FHIP1B: variants seen among roughly 807,000 people sequenced by gnomAD.
FHIP1B encodes the protein FHF complex subunit HOOK interacting protein 1B.
A neutral mutation model predicts 82.2 loss-of-function variants in FHIP1B; 28 were observed. That is an observed-to-expected ratio of 0.34 (90% CI 0.25 to 0.47). The LOEUF is 0.47. Among genes scored for constraint, FHIP1B ranks in the 20% least tolerant of loss-of-function variants. FHIP1B has a pLI of 1.00. For missense variants in FHIP1B, 1,110 were observed against 1,262.6 expected (o/e 0.88, Z 1.83); for synonymous variants, 585 against 516.1 (o/e 1.13, Z -1.81).
Position 6,218,129 on chromosome 11 carries a change from T to C in FHIP1B, c.1457A>G (p.Asp486Gly). 4 of 1,610,876 alleles carry C rather than the reference T, an allele frequency of 2.5e-6. No individual in the cohort carries two copies. The highest frequency in any genetic ancestry group is 3.4e-6 in the Non-Finnish European group (4 of 1,178,712). Residue 486 changes from aspartate to glycine, a missense_variant, in exon 9 of 12, where the codon GAC becomes GGC. Coordinates refer to ENST00000449352, the MANE Select transcript of FHIP1B (RefSeq NM_001098794.2). Reference protein sequence around the residue: ...WARGPGSPSVDSSSVTTVPRP... With the variant: ...WARGPGSPSVGSSSVTTVPRP... ...GGGTACTGTCGTCACAGAAGAGGAG[T>C]CCACACTTGGGCTTCCAGGACCTGC...
At chr11:6,219,859 C>T (rs1847357085) in intron 6 of FHIP1B, among the ~76,000 whole-genome samples, 1 of 152,192 alleles carries the variant, frequency 6.6e-6, no homozygotes, top group Admixed American at 6.5e-5. Context: ...TTTAGGCATT[C>T]ATTATTTGCT....
rs1159957745 is a variant in FHIP1B, at chr11:6,211,858, C to T, written c.2567G>A (p.Arg856Gln). The T allele has an allele frequency of 7.7e-6, 12 of 1,565,204 alleles. No homozygotes were observed. Among genetic ancestry groups the T allele is most frequent in the Middle Eastern group, 3.4e-4 (2 of 5,804 alleles). ...GAGTAACTCCCCCAAGGATGGCCTC[C>T]GGCTCTTCACTGGGAATAAACAGGG... is the stretch of plus-strand genomic sequence containing the variant. ...PRRSDPLVKS[R>Q]RPSLGELLLR... Residue 856 changes from arginine (R) to glutamine (Q), a missense_variant, in exon 12 of 12, where the codon CGG becomes CAG. By Grantham distance (43) the Arg-to-Gln change is conservative. Coordinates refer to ENST00000449352, the MANE Select transcript of FHIP1B (RefSeq NM_001098794.2).
Position 6,217,427 on chromosome 11 carries a change from G to A in FHIP1B, c.2159C>T (p.Pro720Leu). Residue 720 changes from proline (P) to leucine (L), a missense_variant, in exon 9 of 12, where the codon CCC becomes CTC. By Grantham distance (98) the Pro-to-Leu change is moderately conservative (BLOSUM62 -3). Transcript: ENST00000449352. The stretch of plus-strand genomic sequence containing the variant: ...AGTCCGCAAAGGGCTGCTGAGGAAG[G>A]GGCCAGGGGGCTCAGGGGGACAGGT... ...SFTCPPEPPG[P>L]FLSSPLRTLN... is the part of the protein sequence containing the mutation. 1.9e-6 allele frequency: 3 copies of A among 1,614,056 alleles called. No individual in the cohort carries two copies. Among genetic ancestry groups the A allele is most frequent in the Non-Finnish European group, 2.5e-6 (3 of 1,179,976 alleles).
rs1238278314 is a variant in FHIP1B at position 6,223,828 on chromosome 11, C to T, written c.559G>A (p.Val187Met). ...VLLLSQLCVC[V>M]AQEPSLLEFF... is the part of the protein sequence containing the mutation. ...TCGAGCAATGAAGGCTCCTGGGCCA[C>T]ACAAACACACAGCTGGCTGAGAAGT... The change falls in exon 3 of 12, where the codon GTG becomes ATG. Residue 187 changes from valine (V) to methionine (M), a missense_variant. Around this residue, in one of 6 missense-constraint regions of FHIP1B, gnomAD observed 467 missense variants for 602.9 expected, o/e 0.77. Coordinates refer to ENST00000449352, the MANE Select transcript of FHIP1B (RefSeq NM_001098794.2). This position sits in a 1 kb window ranked among gnomAD's most constrained non-coding sequence, Gnocchi z 4.8. The T allele has an allele frequency of 3.1e-5, 50 of 1,614,108 alleles. No homozygotes were observed. Among genetic ancestry groups the T allele is most frequent in the Non-Finnish European group, 7.6e-6 (9 of 1,180,048 alleles).
chr11:6,212,739 T>C (rs1255879497), intron 11 of FHIP1B, among the ~76,000 whole-genome samples: 1 of 152,220 alleles, frequency 6.6e-6, no homozygotes, highest in African/African-American at 2.4e-5. Flanking sequence ...GCTATTAAAT[T>C]TGGCATTCAG....
intron 11 of FHIP1B, among the ~76,000 whole-genome samples, chr11:6,213,229 T>A (rs1347928394): frequency 6.6e-6 from 1 of 152,234 alleles, no homozygotes; most frequent in African/African-American, 2.4e-5. Flanking sequence ...GGTACTCTCT[T>A]CCCAACCCAT....
chr11:6,213,299 G>A (rs922704747), intron 11 of FHIP1B, among the ~76,000 whole-genome samples: 6 of 152,150 alleles, frequency 3.9e-5, no homozygotes, highest in Non-Finnish European at 1.5e-5. Flanking sequence ...CTTCTACTTC[G>A]ATTAGTAAAT....
chr11:6,220,905 A>G (rs1847388089), intron 6 of FHIP1B, among the ~76,000 whole-genome samples: 1 of 152,218 alleles, frequency 6.6e-6, no homozygotes, highest in Non-Finnish European at 1.5e-5. Flanking sequence ...GGGAAAAAAA[A>G]TACTTTTGGT....
At chr11:6,215,096 C>G in intron 9 of FHIP1B, 185 bp from the exon 10 acceptor site, 1 of 499,524 alleles carries the variant, frequency 2.0e-6, no homozygotes, top group South Asian at 4.0e-5. Context: ...ACCATATGGA[C>G]CCACAAGATT....
intron 1 of FHIP1B, among the ~76,000 whole-genome samples, chr11:6,225,611 C>T (rs1276545604): frequency 2.0e-5 from 3 of 152,110 alleles, no homozygotes; most frequent in South Asian, 2.1e-4. Flanking sequence ...ATTCGTTGAA[C>T]GTATTAATGC....
Position 6,224,429 on chromosome 11 carries a change from T to C in FHIP1B, c.88A>G (p.Met30Val). ...PQGANLQTPV[M>V]ADPETCLMVF... ...ATGAGGCAGGTCTCGGGATCAGCCA[T>C]GACTGGGGTTTGGAGATTGGCCCCT... The change falls in exon 2 of 12, where the codon ATG becomes GTG. Residue 30 changes from methionine to valine, a missense_variant. Transcript: ENST00000449352. The C allele has an allele frequency of 6.2e-7, 1 of 1,614,130 alleles. No homozygotes were observed. The highest frequency in any genetic ancestry group is 8.5e-7 in the Non-Finnish European group (1 of 1,180,018).
chr11:6,222,995 A>G (rs898281469), intron 4 of FHIP1B, 85 bp downstream of exon 4: 1 of 1,579,304 alleles, frequency 6.3e-7, no homozygotes, highest in Non-Finnish European at 8.7e-7. Flanking sequence ...TACTTCCAAG[A>G]TGGAAAAATG....
intron 8 of FHIP1B, 72 bp downstream of exon 8, chr11:6,218,528 T>C: frequency 6.3e-7 from 1 of 1,599,704 alleles, no homozygotes; most frequent in Non-Finnish European, 8.5e-7. Context: ...AGCCCCTCCT[T>C]GCTACGCTCC....
chr11:6,222,329 A>T, intron 6 of FHIP1B, 113 bp downstream of exon 6: 1 of 1,179,592 alleles, frequency 8.5e-7, no homozygotes, highest in Non-Finnish European at 1.2e-6. Flanking sequence ...CTTAATTTTG[A>T]GGTGACTGCT....
chr11:6,228,446 T>C lies in FHIP1B; in HGVS notation c.-191-3739A>G, dbSNP rs1298399665. Among the ~76,000 whole-genome samples, 3 of 151,968 alleles carry C rather than the reference T, an allele frequency of 2.0e-5. No homozygotes were observed. In the East Asian group the frequency reaches 5.8e-4, roughly 29 times the overall value. ...GCTGTAGGATGGGGAGGCTCAAGGG[T>C]GTCTGTCAAGTGAGAGCAGTAGTCT... On this transcript the variant is annotated intron_variant, in intron 1 of 11. Transcript: ENST00000449352.
chr11:6,212,446 T>C (rs1324437072), intron 11 of FHIP1B, among the ~76,000 whole-genome samples: 1 of 152,174 alleles, frequency 6.6e-6, no homozygotes, highest in African/African-American at 2.4e-5. Context: ...TCAGTGACAA[T>C]TTCACTTCTG....
In FHIP1B at chr11:6,218,133, C is replaced by T. The variant is rs777105237; in HGVS notation, c.1453G>A (p.Val485Met). Residue 485 changes from valine to methionine, a missense_variant, in exon 9 of 12, where the codon GTG becomes ATG. Val to Met is a conservative substitution (Grantham distance 21, BLOSUM62 1). This residue lies in a region of FHIP1B where 418 missense variants were observed against 371.4 expected (regional missense o/e 1.13). Coordinates refer to ENST00000449352, the MANE Select transcript of FHIP1B (RefSeq NM_001098794.2). The stretch of plus-strand genomic sequence containing the variant: ...ACTGTCGTCACAGAAGAGGAGTCCA[C>T]ACTTGGGCTTCCAGGACCTGCAAAG... ...SWARGPGSPS[V>M]DSSSVTTVPR... 6.2e-7 allele frequency: 1 copy of T among 1,611,920 alleles called. No individual in the cohort carries two copies. Among genetic ancestry groups the T allele is most frequent in the South Asian group, 1.1e-5 (1 of 90,880 alleles).
chr11:6,234,291 G>A (rs528114208), intron 1 of FHIP1B, among the ~76,000 whole-genome samples: 1 of 152,064 alleles, frequency 6.6e-6, no homozygotes, highest in Non-Finnish European at 1.5e-5. Flanking sequence ...GCCCTCAGTA[G>A]CCCCAGCCCT....
intron 6 of FHIP1B, among the ~76,000 whole-genome samples, chr11:6,221,234 A>T (rs185391277): frequency 1.4e-4 from 21 of 152,204 alleles, no homozygotes; most frequent in Non-Finnish European, 2.8e-4. Flanking sequence ...CTATCCAGGA[A>T]ACTGACCTGG....
Sources: gnomAD v4.1 joint callset for allele counts (sites outside exome capture counted in the v4.1 genomes callset) on GRCh38, gnomAD v4.1.1 for gene constraint, gnomAD v4.1.1 regional missense constraint, Gnocchi (gnomAD v3.1) non-coding constraint, MANE v1.5 for transcripts, NCBI Gene and HGNC (gene_info 2026-07-23, HGNC 2026-07-21) for gene names.